SLIT3: variants seen among roughly 807,000 people sequenced by gnomAD.
SLIT3 encodes slit guidance ligand 3.
Under a neutral mutation model 184.0 loss-of-function variants are expected in SLIT3, and 68 were observed. That is an observed-to-expected ratio of 0.37 (90% confidence interval 0.30 to 0.45). The LOEUF (loss-of-function observed/expected upper bound fraction) is 0.45, where lower values mean the gene tolerates loss of function less well. Among genes scored for constraint, SLIT3 ranks in the 20% least tolerant of loss-of-function variants. The pLI is 1.00. For synonymous variants in SLIT3, 831 were observed against 828.6 expected, an observed-to-expected ratio of 1.00 and a Z score of -0.05; for missense variants, 1,707 against 2,026.0, an observed-to-expected ratio of 0.84 and a Z score of 3.02.
intron 4 of SLIT3, among the ~76,000 whole-genome samples, chr5:169,045,501 G>A (rs1757594811): frequency 1.3e-5 from 2 of 151,988 alleles, no homozygotes; most frequent in South Asian, 2.1e-4. Context: ...AGACCTGGGT[G>A]CACCATCCAC....
At chr5:168,902,263 G>A (rs552131064) in intron 4 of SLIT3, among the ~76,000 whole-genome samples, 7 of 152,282 alleles carry the variant, frequency 4.6e-5, no homozygotes, top group Admixed American at 1.3e-4. Context: ...GTTAAACACC[G>A]TATGCCAGGC....
intron 4 of SLIT3, among the ~76,000 whole-genome samples, chr5:168,945,402 T>C (rs1762442993): frequency 6.6e-6 from 1 of 152,132 alleles, no homozygotes; most frequent in Non-Finnish European, 1.5e-5. Context: ...CATGCCTGGC[T>C]AATTTTTGTA....
At chr5:168,862,401 G>A (rs180689523) in intron 5 of SLIT3, among the ~76,000 whole-genome samples, 4 of 152,286 alleles carry the variant, frequency 2.6e-5, no homozygotes, top group Non-Finnish European at 4.4e-5. Context: ...AGATTAAAGG[G>A]AATGGGGCCA....
At chr5:168,776,669 G>A (rs1180222170) in intron 12 of SLIT3, among the ~76,000 whole-genome samples, 2 of 152,118 alleles carry the variant, frequency 1.3e-5, no homozygotes, top group African/African-American at 2.4e-5. Context: ...CCTCCCCCCT[G>A]CAAATTCCGA....
chr5:169,253,545 G>A (rs1442814769), intron 1 of SLIT3, among the ~76,000 whole-genome samples: 4 of 152,050 alleles, frequency 2.6e-5, no homozygotes, highest in African/African-American at 7.2e-5. Context: ...TCTGAGGTGC[G>A]GTTTCTCCAT....
At chr5:169,289,822 C>T (rs1383135955) in intron 1 of SLIT3, among the ~76,000 whole-genome samples, 5 of 152,196 alleles carry the variant, frequency 3.3e-5, no homozygotes, top group Admixed American at 2.0e-4. Flanking sequence ...TCATAAAACT[C>T]CGATTAGAAG....
intron 4 of SLIT3, among the ~76,000 whole-genome samples, chr5:169,084,280 TTTTC>T (rs1198173845): frequency 6.8e-6 from 1 of 148,140 alleles, no homozygotes; most frequent in African/African-American, 2.6e-5. Context: ...GGATGTTTCT[TTTTC>T]TTTTCTTTTT....
At chr5:169,038,988 AC>A (rs1303612376) in intron 4 of SLIT3, among the ~76,000 whole-genome samples, 2 of 151,908 alleles carry the variant, frequency 1.3e-5, no homozygotes, top group East Asian at 3.9e-4. Context: ...AGAAAAGATG[AC>A]CCCCTTCTTC....
intron 4 of SLIT3, among the ~76,000 whole-genome samples, chr5:168,974,270 A>G (rs1010090381): frequency 1.3e-5 from 2 of 152,144 alleles, no homozygotes. Context: ...AAGTCACATC[A>G]CTAAGGGCAT....
At chr5:168,943,384 A>T (rs1762381352) in intron 4 of SLIT3, among the ~76,000 whole-genome samples, 1 of 152,216 alleles carries the variant, frequency 6.6e-6, no homozygotes, top group Non-Finnish European at 1.5e-5. Flanking sequence ...AAGAAAACTG[A>T]TCTCAACCAG....
chr5:168,758,378 GAAGACA>G (rs1304599432), intron 16 of SLIT3, among the ~76,000 whole-genome samples: 1 of 152,232 alleles, frequency 6.6e-6, no homozygotes, highest in Non-Finnish European at 1.5e-5. Flanking sequence ...ATCCTGTTCA[GAAGACA>G]AATATGCGCT....
At position 168,808,916 on chromosome 5, in the gene SLIT3, G is replaced by GA. The variant is rs1402625890; in HGVS notation, c.794-2330dup. ...TCCACATCAAAAGGAGAGCACACCTGACAAAGCCAGGGAGAAGTCCCACAC... is the reference window on the plus strand; with the variant it reads ...TCCACATCAAAAGGAGAGCACACCTGAACAAAGCCAGGGAGAAGTCCCACAC... On this transcript the variant is annotated intron_variant, in intron 8 of 35. Transcript: ENST00000519560. Among the ~76,000 whole-genome samples, 28 of 152,228 alleles carry GA rather than the reference G, an allele frequency of 1.8e-4. 2 individuals carry two copies. The highest frequency in any genetic ancestry group is 6.5e-4 in the African/African-American group (27 of 41,570).
chr5:169,225,780 A>C (rs918375), intron 3 of SLIT3, among the ~76,000 whole-genome samples: 94,022 of 151,574 alleles, frequency 0.62, 29,717 homozygotes, highest in East Asian at 0.76. Flanking sequence ...AGAGGGAGGC[A>C]GGGGCCAGGG....
chr5:169,079,347 CCTT>C (rs1246171402), intron 4 of SLIT3, among the ~76,000 whole-genome samples: 1 of 151,966 alleles, frequency 6.6e-6, no homozygotes, highest in Non-Finnish European at 1.5e-5. Flanking sequence ...AAGAAGTTCT[CCTT>C]CTCATCCTTG....
chr5:168,917,835 T>C (rs554261046), intron 4 of SLIT3, among the ~76,000 whole-genome samples: 1 of 152,330 alleles, frequency 6.6e-6, no homozygotes, highest in African/African-American at 2.4e-5. Flanking sequence ...GGGTTAGCTT[T>C]ATCAAGCTAA....
At chr5:168,758,217 C>A (rs1375929131) in intron 16 of SLIT3, among the ~76,000 whole-genome samples, 1 of 152,172 alleles carries the variant, frequency 6.6e-6, no homozygotes, top group African/African-American at 2.4e-5. Context: ...TGACACTTAT[C>A]ATGTGTTTGT....
rs777596907 is a variant in SLIT3, at chr5:168,753,014, G to A, written c.1914C>T (p.Asp638=). 6.2e-6 allele frequency: 10 copies of A among 1,614,048 alleles called. No individual in the cohort carries two copies. In the South Asian group the frequency reaches 9.9e-5, roughly 16 times the overall value. ...LSSVRLLSLY[D]NRITTITPGA... The stretch of plus-strand genomic sequence containing the variant: ...CAGGGGTGATGGTGGTGATCCGATT[G>A]TCATAGAGGGACAGCAGTCTCACCG... The change falls in exon 18 of 36, where the codon GAC becomes GAT. Residue 638 remains aspartate (D), a synonymous_variant. Transcript: ENST00000519560.
At chr5:169,008,017 T>C (rs1755995368) in intron 4 of SLIT3, among the ~76,000 whole-genome samples, 1 of 152,204 alleles carries the variant, frequency 6.6e-6, no homozygotes, top group South Asian at 2.1e-4. Flanking sequence ...GGACACTTTC[T>C]TTTGGTATTA....
intron 5 of SLIT3, among the ~76,000 whole-genome samples, chr5:168,860,994 C>T (rs763890502): frequency 6.6e-6 from 1 of 152,138 alleles, no homozygotes; most frequent in African/African-American, 2.4e-5. Context: ...CTGTATCATC[C>T]AACAGTCACC....
Sources: gnomAD v4.1 joint callset for allele counts (sites outside exome capture counted in the v4.1 genomes callset) on GRCh38, gnomAD v4.1.1 for gene constraint, MANE v1.5 for transcripts, NCBI Gene and HGNC (gene_info 2026-07-23, HGNC 2026-07-21) for gene names.